Variants in TPR observed in about 807,000 individuals in gnomAD.
TPR encodes the protein nucleoprotein TPR.
A neutral mutation model predicts 316.1 loss-of-function variants in TPR; 51 were observed. The observed-to-expected ratio is 0.16, with a 90% CI of 0.13 to 0.20. The LOEUF is 0.20. Ranked by LOEUF, TPR falls within the 10% of genes least tolerant of loss-of-function variation. TPR has a pLI of 1.00. For synonymous variants in TPR, 981 were observed against 914.7 expected, an observed-to-expected ratio of 1.07 and a Z score of -1.31; for missense variants, 2,272 against 2,754.8, an observed-to-expected ratio of 0.82 and a Z score of 3.92.
chr1:186,348,003 A>G (rs1451203831), intron 21 of TPR, among the ~76,000 whole-genome samples: 1 of 152,208 alleles, frequency 6.6e-6, no homozygotes, highest in East Asian at 1.9e-4. Context: ...ATTGGTTGTA[A>G]AACATGTGTA....
intron 21 of TPR, among the ~76,000 whole-genome samples, chr1:186,348,655 G>A (rs1249224402): frequency 6.6e-6 from 1 of 152,070 alleles, no homozygotes; most frequent in African/African-American, 2.4e-5. Flanking sequence ...CTAGATATGT[G>A]ATGTCACCCC....
chr1:186,317,684 C>T, intron 48 of TPR, 84 bp from the exon 49 acceptor site: 1 of 1,286,548 alleles, frequency 7.8e-7, no homozygotes, highest in Non-Finnish European at 1.1e-6. Flanking sequence ...TCTATTTTAT[C>T]ACTTAAGTAA....
chr1:186,341,533 TTTAC>T (rs1157958496), intron 27 of TPR, 144 bp from the exon 28 acceptor site: 2 of 857,008 alleles, frequency 2.3e-6, no homozygotes, highest in African/African-American at 3.4e-5. Context: ...AAAGTTCACG[TTTAC>T]TTTTCTGTGA....
chr1:186,311,708 T>C lies in TPR; in HGVS notation c.*2263A>G, dbSNP rs1382531458. 6 of 1,181,332 alleles carry C rather than the reference T, an allele frequency of 5.1e-6. No homozygotes were observed. The Admixed American group carries it at 6.3e-5, about 12-fold the overall frequency. The allele number at this position is 1,181,332 out of a possible 1,614,324, so 73.2% of individuals were successfully genotyped here. ...GATATCTTTAATGGCTGAAATCAAA[T>C]ATTTTCAGTGAAAAAAATCAATATT... On this transcript the variant is annotated 3_prime_UTR_variant, in exon 51 of 51. Transcript: ENST00000367478.
intron 12 of TPR, 68 bp from the exon 13 acceptor site, chr1:186,358,718 T>A: frequency 3.1e-6 from 4 of 1,281,714 alleles, no homozygotes; most frequent in Non-Finnish European, 4.5e-6. Context: ...AATAAAGACA[T>A]ACAATACTCA....
At chr1:186,357,180 C>G (rs1417342138) in intron 14 of TPR, among the ~76,000 whole-genome samples, 1 of 152,096 alleles carries the variant, frequency 6.6e-6, no homozygotes, top group Non-Finnish European at 1.5e-5. Flanking sequence ...TCCTGAGTAG[C>G]TGGGACTATA....
chr1:186,353,771 C>T lies in TPR; in HGVS notation c.2251G>A (p.Ala751Thr). The T allele has an allele frequency of 6.2e-7, 1 of 1,614,096 alleles. No individual in the cohort carries two copies. Among genetic ancestry groups the T allele is most frequent in the African/African-American group, 1.3e-5 (1 of 75,058 alleles). Residue 751 changes from alanine to threonine, a missense_variant, in exon 18 of 51, where the codon GCC (alanine) becomes ACC (threonine). Around this residue, in one of 10 missense-constraint regions of TPR, gnomAD observed 757 missense variants for 859.8 expected, o/e 0.88. Coordinates refer to ENST00000367478, the MANE Select transcript of TPR (RefSeq NM_003292.3). Reference protein sequence around the residue: ...SLHERNQKLTATTQKQEQIIN... With the variant: ...SLHERNQKLTTTTQKQEQIIN... ...ATCTGTTCTTGCTTTTGAGTTGTGG[C>T]AGTGAGTTTCTGATTTCTCTCATGA...
chr1:186,369,764 G>T (rs10911855), intron 3 of TPR, among the ~76,000 whole-genome samples: 89,242 of 151,926 alleles, frequency 0.59, 26,275 homozygotes, highest in East Asian at 0.65. Flanking sequence ...TTGCTGGTAC[G>T]TCCAGTACTA....
intron 30 of TPR, among the ~76,000 whole-genome samples, chr1:186,339,433 T>A (rs1056464790): frequency 1.3e-5 from 2 of 152,116 alleles, no homozygotes; most frequent in Non-Finnish European, 2.9e-5. Context: ...AGAGAAATAA[T>A]TATGAGGATA....
Position 186,352,011 on chromosome 1 carries a change from G to T in TPR, c.2434C>A (p.Gln812Lys), listed in dbSNP as rs1308729192. The T allele has an allele frequency of 7.5e-6, 12 of 1,605,160 alleles. No individual in the cohort carries two copies. The highest frequency in any genetic ancestry group is 1.0e-5 in the Non-Finnish European group (12 of 1,176,736). ...RESLLAEQRG[Q>K]NLLLTNLQTI... ...TGCAGATTAGTTAGCAGTAAGTTTT[G>T]CCCCCTTTGTTCAGCTAACAAAGAC... is the stretch of plus-strand genomic sequence containing the variant. The change falls in exon 19 of 51, where the codon CAA (glutamine) becomes AAA (lysine). Residue 812 changes from glutamine to lysine, a missense_variant. Gln to Lys is a moderately conservative substitution (Grantham distance 53, BLOSUM62 1). Around this residue, in one of 10 missense-constraint regions of TPR, gnomAD observed 757 missense variants for 859.8 expected, o/e 0.88. Coordinates refer to ENST00000367478, the MANE Select transcript of TPR (RefSeq NM_003292.3).
Position 186,313,318 on chromosome 1 carries a change from G to A in TPR, c.*653C>T. 3.2e-6 allele frequency: 1 copy of A among 311,744 alleles called. No homozygotes were observed. The highest frequency in any genetic ancestry group is 6.0e-6 in the Non-Finnish European group (1 of 166,434). 19.3% of individuals were successfully genotyped at this position (311,744 alleles called of 1,614,324 possible). A position where few individuals can be genotyped will look rare whatever the true frequency, so the allele number is the denominator to read the frequency against. Reference sequence around the variant, plus strand: ...AGGATGCTTTTCTTTGAAATGCCCAGAAATCTAAGTTATTCTGCCTGTAAT... The same window carrying A: ...AGGATGCTTTTCTTTGAAATGCCCAAAAATCTAAGTTATTCTGCCTGTAAT... On this transcript the variant is annotated 3_prime_UTR_variant, in exon 51 of 51. Transcript: ENST00000367478.
rs749974841 is a variant in TPR at position 186,337,168 on chromosome 1, A to C, written c.4363-12T>G. The C allele has an allele frequency of 1.2e-6, 2 of 1,610,920 alleles. No individual in the cohort carries two copies. Among genetic ancestry groups the C allele is most frequent in the African/African-American group, 2.7e-5 (2 of 74,820 alleles). On this transcript the variant is annotated splice_polypyrimidine_tract_variant and intron_variant, in intron 31 of 50. Coordinates refer to ENST00000367478, the MANE Select transcript of TPR (RefSeq NM_003292.3). ...GATGTCTCCATAACCTAAGACAACA[A>C]ACAGTAATAATACACTCACATATTT...
Position 186,361,703 on chromosome 1 carries a change from C to A in TPR, c.877G>T (p.Ala293Ser). The change falls in exon 9 of 51, where the codon GCT becomes TCT. Residue 293 changes from alanine (A) to serine (S), a missense_variant. Transcript: ENST00000367478. ...IKLSNLYKSA[A>S]DDSEAKSNEL... ...TTGCTCTTTGCTTCTGAGTCATCAG[C>A]GGCACTCTAAAAGTTAATCTTAAAA... The A allele has an allele frequency of 6.2e-7, 1 of 1,613,288 alleles. No individual in the cohort carries two copies. Among genetic ancestry groups the A allele is most frequent in the Non-Finnish European group, 8.5e-7 (1 of 1,179,400 alleles).
intron 37 of TPR, among the ~76,000 whole-genome samples, chr1:186,332,855 GACAA>G (rs1658211158): frequency 6.6e-6 from 1 of 152,054 alleles, no homozygotes; most frequent in Non-Finnish European, 1.5e-5. Context: ...TCATCTTAAT[GACAA>G]ACAACTGATT....
In TPR at chr1:186,333,303, A is replaced by G. The variant is rs1658230142; in HGVS notation, c.5274T>C (p.Ser1758=). Reference sequence around the variant, plus strand: ...GAACAGTTAAAATAGGTTGAGAGATAGAAGGCTGGACATTAGGACTAGTAG... The same window carrying G: ...GAACAGTTAAAATAGGTTGAGAGATGGAAGGCTGGACATTAGGACTAGTAG... ...VRSTSPNVQP[S]ISQPILTVQQ... The change falls in exon 37 of 51, where the codon TCT becomes TCC. Residue 1758 remains serine (S), a synonymous_variant. Transcript: ENST00000367478. 6.2e-7 allele frequency: 1 copy of G among 1,613,722 alleles called. No homozygotes were observed. Among genetic ancestry groups the G allele is most frequent in the South Asian group, 1.1e-5 (1 of 91,088 alleles).
intron 21 of TPR, among the ~76,000 whole-genome samples, chr1:186,349,896 A>G (rs1658808431): frequency 1.3e-5 from 2 of 152,234 alleles, no homozygotes; most frequent in South Asian, 4.1e-4. Context: ...CCTTATTTCC[A>G]AGGGGCCCGG....
At chr1:186,314,472 T>C (rs1333022694) in intron 50 of TPR, 157 bp downstream of exon 50, 1 of 496,548 alleles carries the variant, frequency 2.0e-6, no homozygotes. Flanking sequence ...CTACATGAAG[T>C]TTACAGATTG....
At chr1:186,326,901 CCAT>C (rs1404673119) in intron 40 of TPR, among the ~76,000 whole-genome samples, 2 of 137,274 alleles carry the variant, frequency 1.5e-5, no homozygotes, top group African/African-American at 2.7e-5. Flanking sequence ...AATGGGCATT[CCAT>C]CACTGGCTCT....
Position 186,331,569 on chromosome 1 carries a change from C to A in TPR, c.5617G>T (p.Ala1873Ser). 1 of 1,606,886 alleles carries A rather than the reference C, an allele frequency of 6.2e-7. No homozygotes were observed. Among genetic ancestry groups the A allele is most frequent in the Non-Finnish European group, 8.5e-7 (1 of 1,176,352 alleles). ...TPVGTEEEVM[A>S]EESTDGEVET... is the part of the protein sequence containing the mutation. ...ACCTCTCCATCAGTACTTTCTTCTG[C>A]CATAACTTCTTCCTGTATCATAATA... The change falls in exon 39 of 51, where the codon GCA becomes TCA. Residue 1873 changes from alanine (A) to serine (S), a missense_variant. Ala to Ser is a moderately conservative substitution (Grantham distance 99). Transcript: ENST00000367478.
Sources: allele counts gnomAD v4.1 joint callset (sites outside exome capture counted in the v4.1 genomes callset), GRCh38; gene constraint gnomAD v4.1.1; regional missense constraint gnomAD v4.1.1; transcripts MANE v1.5; gene names NCBI Gene and HGNC (gene_info 2026-07-23, HGNC 2026-07-21).